Variants in VPS53 observed in about 807,000 individuals in gnomAD.
VPS53 encodes vacuolar protein sorting-associated protein 53 homolog.
Under a neutral mutation model 107.0 loss-of-function variants are expected in VPS53, and 70 were observed. That is an observed-to-expected ratio of 0.65 (90% CI 0.54 to 0.80). VPS53 has a LOEUF of 0.80. VPS53 is among the 30% of genes least tolerant of loss of function. The pLI is 0.00. For missense variants in VPS53, 917 were observed against 1,049.4 expected (o/e 0.87, Z 1.74); for synonymous variants, 409 against 393.3 (o/e 1.04, Z -0.47).
chr17:701,360 T>A (rs1973190027), intron 2 of VPS53, among the ~76,000 whole-genome samples: 1 of 151,700 alleles, frequency 6.6e-6, no homozygotes, highest in Non-Finnish European at 1.5e-5. Context: ...ATTACTTTAA[T>A]TTATATATAA....
At chr17:543,812 G>A (rs1340456353) in intron 17 of VPS53, among the ~76,000 whole-genome samples, 1 of 62,150 alleles carries the variant, frequency 1.6e-5, no homozygotes, top group Admixed American at 1.6e-4. Flanking sequence ...AGGAAGGAAG[G>A]AAGGGAGGGA....
chr17:691,687 G>A (rs1389292746), intron 4 of VPS53, among the ~76,000 whole-genome samples: 1 of 152,146 alleles, frequency 6.6e-6, no homozygotes, highest in Admixed American at 6.5e-5. Context: ...GTCCTGACCA[G>A]GTCACGAATC....
At position 519,290 on chromosome 17, in the gene VPS53, C is replaced by T. The variant is rs968989463; in HGVS notation, c.2337G>A (p.Lys779=). 1.3e-6 allele frequency: 2 copies of T among 1,490,456 alleles called. No individual in the cohort carries two copies. Among genetic ancestry groups the T allele is most frequent in the African/African-American group, 2.8e-5 (2 of 70,540 alleles). 92.3% of individuals were successfully genotyped at this position (1,490,456 alleles called of 1,614,324 possible). The change falls in exon 22 of 22, where the codon AAG becomes AAA. Residue 779 remains lysine (K), a synonymous_variant. Transcript: ENST00000437048. The surrounding 1 kb of genome is among the most constrained non-coding windows in gnomAD (Gnocchi z 5.0). ...FQKILDMKGL[K]RSEQSSMLEL... is the part of the protein sequence containing the mutation. ...CCAGCATGCTGCTCTGCTCACTCCT[C>T]TTCAGCCCCTGAGGTTGAGAGAGAA... is the stretch of plus-strand genomic sequence containing the variant.
chr17:638,774 C>A (rs1970305520), intron 7 of VPS53, among the ~76,000 whole-genome samples: 1 of 152,216 alleles, frequency 6.6e-6, no homozygotes, highest in Admixed American at 6.5e-5. Context: ...AGAGTTTCTG[C>A]CGAAAGATCC....
In VPS53 at chr17:714,832, G is replaced by A; in HGVS notation, c.-123C>T. The A allele has an allele frequency of 4.6e-6, 5 of 1,079,752 alleles. No homozygotes were observed. The highest frequency in any genetic ancestry group is 7.0e-6 in the Non-Finnish European group (5 of 716,908). 66.9% of individuals were successfully genotyped at this position (1,079,752 alleles called of 1,614,324 possible). A position where few individuals can be genotyped will look rare whatever the true frequency, so the allele number is the denominator to read the frequency against. The stretch of plus-strand genomic sequence containing the variant: ...CCTGGTGAGCCCGGCTCCGTCAGCC[G>A]CTCTGTCAGCCGCTCCGGCACTTCC... On this transcript the variant is annotated 5_prime_UTR_variant, in exon 1 of 22. Coordinates refer to ENST00000437048, the MANE Select transcript of VPS53 (RefSeq NM_001128159.3).
chr17:610,005 G>A (rs150674644), intron 11 of VPS53, among the ~76,000 whole-genome samples: 8,823 of 151,918 alleles, frequency 0.058, 514 homozygotes, highest in East Asian at 0.3. Flanking sequence ...GGTGGCGGGC[G>A]CCTGTAGTCC....
intron 13 of VPS53, 70 bp from the exon 14 acceptor site, chr17:562,815 C>T: frequency 2.0e-6 from 3 of 1,534,102 alleles, no homozygotes; most frequent in Non-Finnish European, 2.6e-6. Context: ...TGCTCGTTTG[C>T]AATGTACATA....
chr17:696,664 A>T (rs2143907583), intron 4 of VPS53, among the ~76,000 whole-genome samples: 1 of 152,282 alleles, frequency 6.6e-6, no homozygotes, highest in African/African-American at 2.4e-5. Flanking sequence ...CTCAATTATT[A>T]AAGAGTATCT....
intron 12 of VPS53, among the ~76,000 whole-genome samples, chr17:591,440 T>A (rs933570966): frequency 0.011 from 1,683 of 152,286 alleles, 27 homozygotes; most frequent in African/African-American, 0.034. Flanking sequence ...GTGTTTGCTC[T>A]TGCTTTTCTA....
intron 4 of VPS53, among the ~76,000 whole-genome samples, chr17:688,675 G>A (rs1394659506): frequency 6.6e-6 from 1 of 152,136 alleles, no homozygotes; most frequent in Non-Finnish European, 1.5e-5. Flanking sequence ...CACTCTAGAA[G>A]CAGGCAAAAT....
At chr17:690,604 G>A (rs574062764) in intron 4 of VPS53, among the ~76,000 whole-genome samples, 29 of 152,306 alleles carry the variant, frequency 1.9e-4, no homozygotes, top group East Asian at 1.9e-4. Flanking sequence ...CCAGCTCTGC[G>A]GACATCTGTT....
At chr17:616,215 A>C (rs1164388588) in intron 11 of VPS53, 1 of 152,260 alleles carries the variant, frequency 6.6e-6, no homozygotes, top group Non-Finnish European at 1.5e-5. Flanking sequence ...CCAGGTCGTG[A>C]TACCTGGCAC....
chr17:583,559 G>A (rs527302800), intron 13 of VPS53, among the ~76,000 whole-genome samples: 2 of 148,958 alleles, frequency 1.3e-5, no homozygotes, highest in South Asian at 4.3e-4. Flanking sequence ...CGTTCCCAGG[G>A]AACTTCCATC....
At chr17:708,108 C>T (rs4968102) in intron 2 of VPS53, among the ~76,000 whole-genome samples, 29,982 of 151,934 alleles carry the variant, frequency 0.2, 3,179 homozygotes, top group African/African-American at 0.26. Flanking sequence ...TGTGCGGAGA[C>T]GAGAGATTGT....
At chr17:525,626 C>T (rs890845259) in intron 19 of VPS53, among the ~76,000 whole-genome samples, 1 of 151,734 alleles carries the variant, frequency 6.6e-6, no homozygotes, top group African/African-American at 2.4e-5. Context: ...CCCAGGAATT[C>T]CAGGTTGCAG....
intron 13 of VPS53, among the ~76,000 whole-genome samples, chr17:569,361 C>T (rs866177735): frequency 1.6e-4 from 25 of 152,148 alleles, no homozygotes; most frequent in African/African-American, 6.0e-4. Context: ...GACAACTCTG[C>T]TGTGGTTATA....
At chr17:655,102 G>A (rs945008026) in intron 6 of VPS53, among the ~76,000 whole-genome samples, 4 of 152,112 alleles carry the variant, frequency 2.6e-5, no homozygotes, top group African/African-American at 7.2e-5. Context: ...ATGACGATGC[G>A]CTTTCCCTGT....
rs1908008183 is a variant in VPS53, at chr17:512,485, T to C, written c.*6643A>G. ...GGACACGTCCTTCATGTCCCACAGA[T>C]CCATGGATCGCCGGCATCTTCCCTC... On this transcript the variant is annotated 3_prime_UTR_variant, in exon 22 of 22. Coordinates refer to ENST00000437048, the MANE Select transcript of VPS53 (RefSeq NM_001128159.3). 6.6e-6 allele frequency: 1 copy of C among 152,156 alleles called. No individual in the cohort carries two copies. Among genetic ancestry groups the C allele is most frequent in the African/African-American group, 2.4e-5 (1 of 41,432 alleles). 9.4% of individuals were successfully genotyped at this position (152,156 alleles called of 1,614,324 possible).
At chr17:679,473 C>A (rs1972306488) in intron 4 of VPS53, among the ~76,000 whole-genome samples, 1 of 152,018 alleles carries the variant, frequency 6.6e-6, no homozygotes, top group Non-Finnish European at 1.5e-5. Flanking sequence ...GAGATTGCGC[C>A]ACTGCACTCC....
Sources: allele counts gnomAD v4.1 joint callset (sites outside exome capture counted in the v4.1 genomes callset), GRCh38; gene constraint gnomAD v4.1.1; non-coding constraint Gnocchi (gnomAD v3.1); transcripts MANE v1.5; gene names NCBI Gene and HGNC (gene_info 2026-07-23, HGNC 2026-07-21).